The following ARRB1 variants were observed in gnomAD, a reference collection of about 807,000 sequenced individuals.
ARRB1 encodes the protein arrestin beta 1.
Under a neutral mutation model 56.8 loss-of-function variants are expected in ARRB1, and 21 were observed. That is an observed-to-expected ratio of 0.37 (90% CI 0.26 to 0.53). The LOEUF is 0.53. Ranked by LOEUF, ARRB1 falls within the 20% of genes least tolerant of loss-of-function variation. The pLI is 0.88. For synonymous variants in ARRB1, 210 were observed against 218.6 expected (o/e 0.96, Z 0.35); for missense variants, 424 against 553.7 (o/e 0.77, Z 2.35).
rs1946104405 is a variant in ARRB1 at position 75,272,993 on chromosome 11, A to G, written c.915-15T>C. On this transcript the variant is annotated splice_polypyrimidine_tract_variant and intron_variant, in intron 11 of 15. Coordinates refer to ENST00000420843, the MANE Select transcript of ARRB1 (RefSeq NM_004041.5). ...CTTCCCTCAACCTGCAAAGTGACAC[A>G]GGGGAGCCAGTTCAGGGGCCTTGCC... 3.7e-6 allele frequency: 6 copies of G among 1,613,252 alleles called. No homozygotes were observed. Among genetic ancestry groups the G allele is most frequent in the Non-Finnish European group, 5.1e-6 (6 of 1,179,372 alleles).
intron 1 of ARRB1, among the ~76,000 whole-genome samples, chr11:75,331,891 C>G (rs1298597692): frequency 6.6e-6 from 1 of 151,710 alleles, no homozygotes; most frequent in Non-Finnish European, 1.5e-5. Flanking sequence ...AGCTCAAGCC[C>G]GCAGGTATAC....
intron 15 of ARRB1, 27 bp downstream of exon 15, chr11:75,267,625 G>GT: frequency 7.6e-7 from 1 of 1,315,472 alleles, no homozygotes; most frequent in Non-Finnish European, 1.0e-6. Flanking sequence ...CCCACCCCCG[G>GT]ATGTCTGCAG....
At chr11:75,345,202 G>A (rs1171244709) in intron 1 of ARRB1, among the ~76,000 whole-genome samples, 1 of 152,188 alleles carries the variant, frequency 6.6e-6, no homozygotes, top group Non-Finnish European at 1.5e-5. Context: ...CTGGCACCAG[G>A]TCTCCTGGGA....
intron 4 of ARRB1, 87 bp downstream of exon 4, chr11:75,284,147 TG>T: frequency 7.4e-7 from 1 of 1,350,324 alleles, no homozygotes. Flanking sequence ...GGGGAACCAG[TG>T]GGGATGGGCA....
At chr11:75,326,864 C>T (rs181855594) in intron 1 of ARRB1, among the ~76,000 whole-genome samples, 2 of 151,974 alleles carry the variant, frequency 1.3e-5, no homozygotes, top group African/African-American at 2.4e-5. Flanking sequence ...CCCACCACAC[C>T]CATGCCTAAT....
chr11:75,278,860 A>G lies in ARRB1; in HGVS notation c.483-116T>C, dbSNP rs1342915522. The G allele has an allele frequency of 7.9e-6, 11 of 1,398,812 alleles. No individual in the cohort carries two copies. In the African/African-American group the frequency reaches 1.6e-4, roughly 20 times the overall value. The allele number at this position is 1,398,812 out of a possible 1,614,324, so 86.7% of individuals were successfully genotyped here. The stretch of plus-strand genomic sequence containing the variant: ...GACTGGCATGGCTCTCCATCACCTT[A>G]GAATCCAGCCAAACTGCAGAGATCA... On this transcript the variant is annotated intron_variant, in intron 7 of 15. Transcript: ENST00000420843.
At chr11:75,344,543 C>A (rs111478605) in intron 1 of ARRB1, among the ~76,000 whole-genome samples, 4 of 152,196 alleles carry the variant, frequency 2.6e-5, no homozygotes, top group African/African-American at 9.7e-5. Context: ...GCCCTTTGCA[C>A]AAGGCAGGGG....
At chr11:75,348,232 C>G (rs1947801359) in intron 1 of ARRB1, among the ~76,000 whole-genome samples, 1 of 152,216 alleles carries the variant, frequency 6.6e-6, no homozygotes, top group Non-Finnish European at 1.5e-5. Context: ...ACTGCACATT[C>G]TGCACCCTTG....
intron 1 of ARRB1, among the ~76,000 whole-genome samples, chr11:75,348,993 A>G (rs1947810926): frequency 1.3e-5 from 2 of 152,192 alleles, no homozygotes; most frequent in Admixed American, 1.3e-4. Flanking sequence ...ATGGGGGTGC[A>G]ATTCCAGATG....
chr11:75,346,491 C>T (rs771161750), intron 1 of ARRB1, among the ~76,000 whole-genome samples: 1 of 151,964 alleles, frequency 6.6e-6, no homozygotes, highest in Non-Finnish European at 1.5e-5. Flanking sequence ...TCACGCCCTT[C>T]CTCCAAGAGG....
chr11:75,330,150 T>C (rs1947497634), intron 1 of ARRB1, among the ~76,000 whole-genome samples: 1 of 152,240 alleles, frequency 6.6e-6, no homozygotes, highest in South Asian at 2.1e-4. Flanking sequence ...TCTATTTACC[T>C]ACACAGCTGC....
intron 1 of ARRB1, among the ~76,000 whole-genome samples, chr11:75,313,031 C>G (rs1947194450): frequency 6.6e-6 from 1 of 152,184 alleles, no homozygotes; most frequent in Non-Finnish European, 1.5e-5. Context: ...ATTCTGCGGA[C>G]CAGGAAACTG....
intron 1 of ARRB1, among the ~76,000 whole-genome samples, chr11:75,297,268 GAA>G (rs61232550): frequency 8.3e-4 from 115 of 139,142 alleles, no homozygotes; most frequent in African/African-American, 2.6e-3. Flanking sequence ...AAACTATCTT[GAA>G]AAAAAAAAAA....
chr11:75,269,235 G>T (rs761811874), intron 13 of ARRB1: 1 of 678,088 alleles, frequency 1.5e-6, no homozygotes, highest in Non-Finnish European at 2.7e-6. Context: ...GCCCAGGGGT[G>T]GGAAAGGATT....
intron 1 of ARRB1, among the ~76,000 whole-genome samples, chr11:75,300,762 C>T (rs940087578): frequency 2.0e-5 from 3 of 148,700 alleles, no homozygotes; most frequent in African/African-American, 5.2e-5. Context: ...GTCAGGAGAT[C>T]GAGACCATCC....
At position 75,299,769 on chromosome 11, in the gene ARRB1, T is replaced by C. The variant is rs1946852925; in HGVS notation, c.21-9730A>G. On this transcript the variant is annotated intron_variant, in intron 1 of 15. Coordinates refer to ENST00000420843, the MANE Select transcript of ARRB1 (RefSeq NM_004041.5). The stretch of plus-strand genomic sequence containing the variant: ...ATAGCAACAATGAAAGTAGAGATAT[T>C]ATTTGTGTTATATTCACTGTATTTC... Among the ~76,000 whole-genome samples the C allele has an allele frequency of 2.6e-5, 4 of 152,192 alleles. No homozygotes were observed. The South Asian group carries it at 8.3e-4, about 31-fold the overall frequency.
chr11:75,335,498 T>C (rs1449591136), intron 1 of ARRB1, among the ~76,000 whole-genome samples: 1 of 152,026 alleles, frequency 6.6e-6, no homozygotes, highest in Non-Finnish European at 1.5e-5. Flanking sequence ...GGAGGAAAGA[T>C]TGTGTGAGCC....
chr11:75,328,275 T>A lies in ARRB1; in HGVS notation c.20+23313A>T, dbSNP rs188004677. On this transcript the variant is annotated intron_variant, in intron 1 of 15. Coordinates refer to ENST00000420843, the MANE Select transcript of ARRB1 (RefSeq NM_004041.5). ...GTCCACTTTATAGCATGGATCAGTA[T>A]TTCATTCCTTCTCATGGGTGAATAA... Among the ~76,000 whole-genome samples, 337 of 152,370 alleles carry A rather than the reference T, an allele frequency of 2.2e-3. 2 individuals are homozygous for A. The highest frequency in any genetic ancestry group is 7.9e-3 in the African/African-American group (327 of 41,592).
At chr11:75,268,731 G>A (rs1024639868) in intron 14 of ARRB1, among the ~76,000 whole-genome samples, 158 bp downstream of exon 14, 13 of 152,060 alleles carry the variant, frequency 8.5e-5, no homozygotes, top group Non-Finnish European at 1.8e-4. Context: ...GTCTCCTGGT[G>A]GGGTCAGAAG....
Sources: allele counts gnomAD v4.1 joint callset (sites outside exome capture counted in the v4.1 genomes callset), GRCh38; gene constraint gnomAD v4.1.1; transcripts MANE v1.5; gene names NCBI Gene and HGNC (gene_info 2026-07-23, HGNC 2026-07-21).